The following BACH2 variants were observed in gnomAD, a reference collection of about 807,000 sequenced individuals.
BACH2 encodes the protein transcription regulator protein BACH2.
Under a neutral mutation model 61.8 loss-of-function variants are expected in BACH2, and 5 were observed. That is an observed-to-expected ratio of 0.08 (90% CI 0.04 to 0.17). The LOEUF is 0.17. Ranked by LOEUF, BACH2 falls within the 10% of genes least tolerant of loss-of-function variation. BACH2 has a pLI of 1.00. For synonymous variants in BACH2, 446 were observed against 440.1 expected (o/e 1.01, Z -0.17); for missense variants, 824 against 1,091.1 (o/e 0.76, Z 3.45).
intron 5 of BACH2, among the ~76,000 whole-genome samples, chr6:90,070,743 T>C (rs1232535040): frequency 1.3e-5 from 2 of 152,220 alleles, no homozygotes; most frequent in African/African-American, 4.8e-5. Flanking sequence ...AATTCTTGTT[T>C]TGAGCCCAAA....
intron 6 of BACH2, among the ~76,000 whole-genome samples, chr6:89,972,392 T>C (rs1582120248): frequency 6.6e-6 from 1 of 151,392 alleles, no homozygotes; most frequent in East Asian, 1.9e-4. Flanking sequence ...GGAGGAAGAG[T>C]TGGCGAAGTC....
At chr6:90,010,230 A>G (rs1777634952) in intron 5 of BACH2, among the ~76,000 whole-genome samples, 1 of 152,182 alleles carries the variant, frequency 6.6e-6, no homozygotes, top group African/African-American at 2.4e-5. Flanking sequence ...AGTCTCCTTA[A>G]GGCCCTTGTA....
intron 5 of BACH2, among the ~76,000 whole-genome samples, chr6:90,032,131 G>A (rs1424133715): frequency 5.3e-5 from 8 of 152,104 alleles, no homozygotes; most frequent in African/African-American, 1.9e-4. Flanking sequence ...AATAAATGGT[G>A]CTGGGAAAAC....
At chr6:90,282,736 T>C (rs1378652742) in intron 1 of BACH2, among the ~76,000 whole-genome samples, 1 of 152,108 alleles carries the variant, frequency 6.6e-6, no homozygotes, top group Non-Finnish European at 1.5e-5. Flanking sequence ...TCTTCCACAA[T>C]GGCTGAACTG....
At chr6:89,948,996 G>A (rs1175713773) in intron 7 of BACH2, among the ~76,000 whole-genome samples, 3 of 152,196 alleles carry the variant, frequency 2.0e-5, no homozygotes, top group Non-Finnish European at 2.9e-5. Context: ...TTTTGCAGTT[G>A]GCACAGGGGC....
At chr6:90,282,257 C>G (rs1771880202) in intron 1 of BACH2, among the ~76,000 whole-genome samples, 1 of 152,164 alleles carries the variant, frequency 6.6e-6, no homozygotes, top group Non-Finnish European at 1.5e-5. Context: ...TATTTCATCA[C>G]TCAGGTATTA....
intron 6 of BACH2, among the ~76,000 whole-genome samples, chr6:89,975,025 C>A (rs760558219): frequency 7.2e-5 from 11 of 152,146 alleles, no homozygotes; most frequent in South Asian, 2.1e-4. Context: ...AAATAGAGTA[C>A]ACTCACAGCT....
chr6:90,037,528 A>G (rs966608158), intron 5 of BACH2, among the ~76,000 whole-genome samples: 1 of 150,980 alleles, frequency 6.6e-6, no homozygotes, highest in Non-Finnish European at 1.5e-5. Flanking sequence ...AGGTGCTAAC[A>G]CTCTTGGTGG....
intron 1 of BACH2, among the ~76,000 whole-genome samples, chr6:90,295,236 C>G (rs1772303397): frequency 6.6e-6 from 1 of 152,242 alleles, no homozygotes; most frequent in Non-Finnish European, 1.5e-5. Flanking sequence ...CACAGACAAA[C>G]CACCCCGGCA....
At chr6:90,226,456 T>A (rs893928124) in intron 3 of BACH2, among the ~76,000 whole-genome samples, 8 of 152,176 alleles carry the variant, frequency 5.3e-5, no homozygotes, top group African/African-American at 1.7e-4. Context: ...TCTCCCACCA[T>A]GGCTGATTTC....
chr6:90,295,988 G>C (rs1772355326), intron 1 of BACH2, among the ~76,000 whole-genome samples: 3 of 152,178 alleles, frequency 2.0e-5, no homozygotes, highest in Admixed American at 6.5e-5. Context: ...CACGCCGAGG[G>C]TTAAGGAGGA....
chr6:90,026,452 G>A (rs1436697199), intron 5 of BACH2, among the ~76,000 whole-genome samples: 1 of 152,176 alleles, frequency 6.6e-6, no homozygotes, highest in African/African-American at 2.4e-5. Context: ...TATTAGTCAT[G>A]CCATTGTTCC....
intron 3 of BACH2, among the ~76,000 whole-genome samples, chr6:90,239,660 A>G (rs1292223685): frequency 2.0e-5 from 3 of 152,150 alleles, no homozygotes; most frequent in African/African-American, 7.2e-5. Context: ...TCTCGTCTAT[A>G]TGACTAAGAG....
intron 3 of BACH2, among the ~76,000 whole-genome samples, chr6:90,224,917 C>A (rs77878809): frequency 0.016 from 2,456 of 152,286 alleles, 42 homozygotes; most frequent in East Asian, 0.071. Context: ...AAAGTGTTTT[C>A]AGATTCTCTG....
At chr6:90,066,790 G>A (rs1780987225) in intron 5 of BACH2, among the ~76,000 whole-genome samples, 1 of 152,210 alleles carries the variant, frequency 6.6e-6, no homozygotes, top group Admixed American at 6.5e-5. Context: ...TCATGGAGAA[G>A]CACAAGACAA....
chr6:90,069,487 C>G (rs533106007), intron 5 of BACH2, among the ~76,000 whole-genome samples: 1 of 152,328 alleles, frequency 6.6e-6, no homozygotes, highest in African/African-American at 2.4e-5. Context: ...CTGTGAATGA[C>G]ACTCTCCTAA....
rs532075873 is a variant in BACH2, at chr6:90,182,714, T to C, written c.-162+23855A>G. Among the ~76,000 whole-genome samples the C allele has an allele frequency of 5.3e-5, 8 of 152,300 alleles. No individual in the cohort carries two copies. The East Asian group carries it at 1.5e-3, about 29-fold the overall frequency. On this transcript the variant is annotated intron_variant, in intron 4 of 8. Coordinates refer to ENST00000257749, the MANE Select transcript of BACH2 (RefSeq NM_021813.4). The stretch of plus-strand genomic sequence containing the variant: ...AATACTGAGGCAAATGAACATGCAA[T>C]CTTCCATGCACAAGGCCAAGAATCC...
chr6:90,100,119 T>TA (rs1450517449), intron 4 of BACH2, among the ~76,000 whole-genome samples: 1 of 152,246 alleles, frequency 6.6e-6, no homozygotes, highest in African/African-American at 2.4e-5. Flanking sequence ...CATCCCTTTT[T>TA]ATGGCTGCAT....
intron 5 of BACH2, among the ~76,000 whole-genome samples, chr6:90,080,579 T>G (rs1781683879): frequency 6.6e-6 from 1 of 152,196 alleles, no homozygotes; most frequent in Non-Finnish European, 1.5e-5. Flanking sequence ...TCCAGACTTT[T>G]AATAAAAAGT....
Sources: gnomAD v4.1 joint callset for allele counts (sites outside exome capture counted in the v4.1 genomes callset) on GRCh38, gnomAD v4.1.1 for gene constraint, MANE v1.5 for transcripts, NCBI Gene and HGNC (gene_info 2026-07-23, HGNC 2026-07-21) for gene names.